FILIP1: variants seen among roughly 807,000 people sequenced by gnomAD.
FILIP1 encodes the protein filamin-A-interacting protein 1.
In FILIP1, 61 loss-of-function variants were observed where a neutral mutation model predicts 102.1. That is an observed-to-expected ratio of 0.60 (90% CI 0.49 to 0.74). The LOEUF (loss-of-function observed/expected upper bound fraction) is 0.74, where lower values mean the gene tolerates loss of function less well. Among genes scored for constraint, FILIP1 ranks in the 30% least tolerant of loss-of-function variants. The pLI, the probability that FILIP1 is intolerant of heterozygous loss-of-function variation, is 0.00. For missense variants in FILIP1, 1,314 were observed against 1,441.2 expected, an observed-to-expected ratio of 0.91 and a Z score of 1.43; for synonymous variants, 491 against 526.9, an observed-to-expected ratio of 0.93 and a Z score of 0.93.
chr6:75,471,108 G>A (rs1277904437), intron 1 of FILIP1, among the ~76,000 whole-genome samples: 3 of 144,470 alleles, frequency 2.1e-5, no homozygotes, highest in African/African-American at 5.2e-5. Context: ...TGCAGTGAAC[G>A]GAGATCACAC....
At chr6:75,419,205 T>C (rs1202000952) in intron 1 of FILIP1, among the ~76,000 whole-genome samples, 2 of 152,194 alleles carry the variant, frequency 1.3e-5, no homozygotes, top group Non-Finnish European at 2.9e-5. Context: ...TTGCAAATCT[T>C]GACCTTGAAT....
At chr6:75,320,002 A>G in intron 4 of FILIP1, 1 of 314,972 alleles carries the variant, frequency 3.2e-6, no homozygotes, top group Non-Finnish European at 6.0e-6. Context: ...TTTCTTCAGC[A>G]AGGCAGAGTC....
chr6:75,381,966 G>C (rs1775918054), intron 2 of FILIP1, among the ~76,000 whole-genome samples: 1 of 152,142 alleles, frequency 6.6e-6, no homozygotes, highest in South Asian at 2.1e-4. Context: ...TGCTATAGGT[G>C]TTAATAACAA....
chr6:75,335,432 A>G (rs1157992531), intron 4 of FILIP1, among the ~76,000 whole-genome samples: 1 of 152,126 alleles, frequency 6.6e-6, no homozygotes, highest in Non-Finnish European at 1.5e-5. Context: ...AGCTTCTATC[A>G]TCTTCAAATT....
chr6:75,398,083 AT>A (rs1776527973), intron 2 of FILIP1: 1 of 152,202 alleles, frequency 6.6e-6, no homozygotes, highest in Non-Finnish European at 1.5e-5. Flanking sequence ...ATAGGATTAC[AT>A]GTTAACTGAA....
chr6:75,307,479 A>G (rs1241932753), downstream of FILIP1, among the ~76,000 whole-genome samples: 1 of 152,204 alleles, frequency 6.6e-6, no homozygotes, highest in East Asian at 1.9e-4. Context: ...TGGCTCAAAA[A>G]TGTCAGCAAA....
chr6:75,353,222 AT>A (rs1774870782), intron 4 of FILIP1, among the ~76,000 whole-genome samples: 1 of 152,238 alleles, frequency 6.6e-6, no homozygotes, highest in Admixed American at 6.5e-5. Context: ...TAAATAAAAA[AT>A]AAAAAGAAAT....
At chr6:75,399,037 C>T (rs754942177) in intron 2 of FILIP1, 11 of 152,268 alleles carry the variant, frequency 7.2e-5, no homozygotes, top group Middle Eastern at 3.4e-3. Context: ...TAGTAACAAA[C>T]TATGAAAATG....
rs576503172 is a variant in FILIP1, at chr6:75,326,946, C to T, written c.630-11744G>A. Among the ~76,000 whole-genome samples, 18 of 152,220 alleles carry T rather than the reference C, an allele frequency of 1.2e-4. No individual in the cohort carries two copies. The East Asian group carries it at 2.3e-3, about 20-fold the overall frequency. ...GCATTGTGTCAATGGCAAGATGACC[C>T]CAATTATTAATTAAATAGGTCAATG... is the stretch of plus-strand genomic sequence containing the variant. On this transcript the variant is annotated intron_variant, in intron 4 of 5. Coordinates refer to ENST00000237172, the MANE Select transcript of FILIP1 (RefSeq NM_015687.5).
intron 2 of FILIP1, among the ~76,000 whole-genome samples, chr6:75,384,104 C>T (rs750874172): frequency 6.6e-5 from 10 of 151,952 alleles, no homozygotes; most frequent in African/African-American, 9.7e-5. Flanking sequence ...TTTTTATGTC[C>T]GTCTTTCAGT....
intron 4 of FILIP1, among the ~76,000 whole-genome samples, chr6:75,348,152 T>C (rs543463905): frequency 6.6e-6 from 1 of 152,140 alleles, no homozygotes; most frequent in East Asian, 1.9e-4. Context: ...AACTGTGTTC[T>C]CTCTATTTTG....
intron 4 of FILIP1, among the ~76,000 whole-genome samples, chr6:75,320,228 A>G (rs1773602567): frequency 6.6e-6 from 1 of 152,210 alleles, no homozygotes; most frequent in African/African-American, 2.4e-5. Flanking sequence ...TGCATAAACA[A>G]GAGAAAGAAT....
chr6:75,429,867 G>A (rs1777767025), intron 1 of FILIP1, among the ~76,000 whole-genome samples: 1 of 152,112 alleles, frequency 6.6e-6, no homozygotes, highest in Admixed American at 6.6e-5. Flanking sequence ...AACTTTTTTT[G>A]TGTCCCATGA....
At chr6:75,332,819 C>A (rs1274179937) in intron 4 of FILIP1, among the ~76,000 whole-genome samples, 1 of 152,120 alleles carries the variant, frequency 6.6e-6, no homozygotes, top group Non-Finnish European at 1.5e-5. Context: ...ACAGGAGGAG[C>A]TGGCAGCATG....
intron 3 of FILIP1, chr6:75,357,105 T>C (rs535678975): frequency 6.6e-6 from 1 of 152,210 alleles, no homozygotes; most frequent in Non-Finnish European, 1.5e-5. Context: ...TTGAAAGTTG[T>C]GTTTGGAATA....
chr6:75,395,302 C>T (rs764743498), intron 2 of FILIP1, among the ~76,000 whole-genome samples: 72 of 152,070 alleles, frequency 4.7e-4, no homozygotes, highest in Admixed American at 1.1e-3. Flanking sequence ...TTTTCTGAGA[C>T]GGAGTCTCGC....
chr6:75,371,108 AT>A (rs1201252585), intron 2 of FILIP1, among the ~76,000 whole-genome samples: 8 of 152,138 alleles, frequency 5.3e-5, no homozygotes, highest in Non-Finnish European at 8.8e-5. Flanking sequence ...AATTAAACCC[AT>A]TTTTTCCACT....
At chr6:75,332,714 G>A (rs569654358) in intron 4 of FILIP1, among the ~76,000 whole-genome samples, 2 of 152,284 alleles carry the variant, frequency 1.3e-5, no homozygotes, top group African/African-American at 4.8e-5. Flanking sequence ...ACAGTATGAG[G>A]GTCTCCCATG....
chr6:75,369,255 T>C lies in FILIP1; in HGVS notation c.277-6338A>G, dbSNP rs1775440241. Among the ~76,000 whole-genome samples, 3 of 152,102 alleles carry C rather than the reference T, an allele frequency of 2.0e-5. No homozygotes were observed. In the South Asian group the frequency reaches 6.2e-4, roughly 32 times the overall value. ...GAAGTGTTTGCCAGTTCCGGGCAAATGAGGGTGACCAAATGTCCCAGATTG... is the reference window on the plus strand; with the variant it reads ...GAAGTGTTTGCCAGTTCCGGGCAAACGAGGGTGACCAAATGTCCCAGATTG... On this transcript the variant is annotated intron_variant, in intron 2 of 5. Transcript: ENST00000237172.
Sources: allele counts gnomAD v4.1 joint callset (sites outside exome capture counted in the v4.1 genomes callset), GRCh38; gene constraint gnomAD v4.1.1; transcripts MANE v1.5; gene names NCBI Gene and HGNC (gene_info 2026-07-23, HGNC 2026-07-21).